Variants in RABGAP1L observed in about 807,000 individuals in gnomAD.
RABGAP1L encodes the protein rab GTPase-activating protein 1-like.
RABGAP1L carries 63 observed loss-of-function variants against 137.7 expected under a neutral mutation model. That is an observed-to-expected ratio of 0.46 (90% CI 0.37 to 0.56). The LOEUF (loss-of-function observed/expected upper bound fraction) is 0.56, where lower values mean the gene tolerates loss of function less well. RABGAP1L is among the 20% of genes least tolerant of loss of function. The pLI is 0.00. For synonymous variants in RABGAP1L, 431 were observed against 433.7 expected, an observed-to-expected ratio of 0.99 and a Z score of 0.08; for missense variants, 1,095 against 1,244.0, an observed-to-expected ratio of 0.88 and a Z score of 1.80.
chr1:174,615,132 C>G (rs1012045164), intron 13 of RABGAP1L, among the ~76,000 whole-genome samples: 1 of 152,136 alleles, frequency 6.6e-6, no homozygotes, highest in Non-Finnish European at 1.5e-5. Context: ...GAACTGCGTT[C>G]CTTTGGAGGA....
chr1:174,350,206 C>T (rs1391834419), intron 11 of RABGAP1L, among the ~76,000 whole-genome samples: 50 of 139,046 alleles, frequency 3.6e-4, no homozygotes, highest in South Asian at 7.1e-4. Flanking sequence ...CCCCACCTCC[C>T]TCCCGGACGG....
chr1:174,769,714 A>G (rs1685963688), intron 18 of RABGAP1L, among the ~76,000 whole-genome samples: 1 of 152,112 alleles, frequency 6.6e-6, no homozygotes. Context: ...TTAGCCGGGC[A>G]TGGTGGTGGG....
chr1:174,660,687 A>G (rs1415055167), intron 14 of RABGAP1L, among the ~76,000 whole-genome samples: 2 of 152,182 alleles, frequency 1.3e-5, no homozygotes, highest in Non-Finnish European at 2.9e-5. Flanking sequence ...CTCACACTTC[A>G]GAGCCCTTGC....
chr1:174,915,548 G>A (rs1427384668), intron 19 of RABGAP1L, among the ~76,000 whole-genome samples: 6 of 151,954 alleles, frequency 3.9e-5, no homozygotes, highest in Non-Finnish European at 8.8e-5. Flanking sequence ...CCTCTGCCTC[G>A]CAGGTTCAAG....
chr1:174,589,421 A>G (rs1669378718), intron 13 of RABGAP1L, among the ~76,000 whole-genome samples: 1 of 152,030 alleles, frequency 6.6e-6, no homozygotes. Flanking sequence ...TTCGTTGATC[A>G]TTTCCTTTGC....
chr1:174,278,655 C>T lies in RABGAP1L; in HGVS notation c.1199C>T (p.Thr400Ile). 1 of 1,613,242 alleles carries T rather than the reference C, an allele frequency of 6.2e-7. No individual in the cohort carries two copies. Among genetic ancestry groups the T allele is most frequent in the Non-Finnish European group, 8.5e-7 (1 of 1,179,592 alleles). ...YMTVAVDMVV[T>I]EVVEPVRFLL... Reference sequence around the variant, plus strand: ...ACTGTGGCAGTGGATATGGTAGTCACAGAGGTGGTGGAGCCTGTTCGCTTT... The same window carrying T: ...ACTGTGGCAGTGGATATGGTAGTCATAGAGGTGGTGGAGCCTGTTCGCTTT... The change falls in exon 10 of 26, where the codon ACA (threonine) becomes ATA (isoleucine). Residue 400 changes from threonine (T) to isoleucine (I), a missense_variant. Physicochemically the swap from Thr to Ile is moderately conservative, Grantham distance 89. Coordinates refer to ENST00000681986, the MANE Select transcript of RABGAP1L (RefSeq NM_001366446.1).
intron 19 of RABGAP1L, among the ~76,000 whole-genome samples, chr1:174,879,613 G>A (rs1428267891): frequency 2.0e-5 from 3 of 152,094 alleles, no homozygotes; most frequent in Non-Finnish European, 4.4e-5. Flanking sequence ...GATTCAAAAT[G>A]AACCAGTAGA....
chr1:174,494,464 A>G (rs1660565292), intron 13 of RABGAP1L, among the ~76,000 whole-genome samples: 1 of 152,170 alleles, frequency 6.6e-6, no homozygotes, highest in Non-Finnish European at 1.5e-5. Flanking sequence ...ATAATTTACA[A>G]AGTTTTCTTG....
chr1:174,528,864 C>T (rs1664148391), intron 13 of RABGAP1L, among the ~76,000 whole-genome samples: 1 of 151,768 alleles, frequency 6.6e-6, no homozygotes, highest in South Asian at 2.1e-4. Context: ...TGATGTCTCA[C>T]ATATCACAAA....
intron 13 of RABGAP1L, among the ~76,000 whole-genome samples, chr1:174,426,020 T>C (rs1264662475): frequency 1.3e-5 from 2 of 152,058 alleles, no homozygotes; most frequent in African/African-American, 2.4e-5. Context: ...TGTAATTACT[T>C]GAGTGATACA....
intron 19 of RABGAP1L, among the ~76,000 whole-genome samples, chr1:174,929,525 T>C (rs899120469): frequency 1.9e-4 from 29 of 152,046 alleles, no homozygotes; most frequent in African/African-American, 6.8e-4. Flanking sequence ...GGAGGATCAC[T>C]TGAGGCCAGA....
At chr1:174,255,169 C>A (rs1673018318) in intron 7 of RABGAP1L, among the ~76,000 whole-genome samples, 1 of 151,948 alleles carries the variant, frequency 6.6e-6, no homozygotes, top group South Asian at 2.1e-4. Context: ...ATAGTTGTCA[C>A]CTTTTTTTCA....
chr1:174,349,769 G>C (rs1682906401), intron 11 of RABGAP1L, among the ~76,000 whole-genome samples: 1 of 126,574 alleles, frequency 7.9e-6, no homozygotes, highest in Non-Finnish European at 1.8e-5. Flanking sequence ...GGGGCGGCTG[G>C]CCGGGCAGAG....
chr1:174,919,081 C>T (rs1302951807), intron 19 of RABGAP1L, among the ~76,000 whole-genome samples: 8 of 151,314 alleles, frequency 5.3e-5, no homozygotes, highest in East Asian at 1.9e-4. Flanking sequence ...TGCAATGGCA[C>T]GATCTCGGCT....
chr1:174,448,436 C>G lies in RABGAP1L; in HGVS notation c.1710+54291C>G. On this transcript the variant is annotated intron_variant, in intron 13 of 25. Coordinates refer to ENST00000681986, the MANE Select transcript of RABGAP1L (RefSeq NM_001366446.1). The surrounding 1 kb of genome is among the most constrained non-coding windows in gnomAD (Gnocchi z 4.2). Reference sequence around the variant, plus strand: ...ACTTCTCCACTACTCCACAGGTGTCCACGAGTCATTGACTTGCCAGGTTTT... The same window carrying G: ...ACTTCTCCACTACTCCACAGGTGTCGACGAGTCATTGACTTGCCAGGTTTT... The G allele has an allele frequency of 6.2e-7, 1 of 1,613,300 alleles. No homozygotes were observed. Among genetic ancestry groups the G allele is most frequent in the South Asian group, 1.1e-5 (1 of 91,042 alleles).
At chr1:174,893,805 A>T (rs1656672695) in intron 19 of RABGAP1L, among the ~76,000 whole-genome samples, 1 of 152,184 alleles carries the variant, frequency 6.6e-6, no homozygotes, top group Non-Finnish European at 1.5e-5. Flanking sequence ...TAATATTATT[A>T]ATAGCAAGTC....
At chr1:174,476,129 CTT>C (rs1658482309) in intron 13 of RABGAP1L, among the ~76,000 whole-genome samples, 1 of 152,074 alleles carries the variant, frequency 6.6e-6, no homozygotes, top group South Asian at 2.1e-4. Flanking sequence ...ATAAAAATAA[CTT>C]TTCAACAAAG....
intron 7 of RABGAP1L, among the ~76,000 whole-genome samples, chr1:174,268,053 C>T (rs1037526769): frequency 6.6e-6 from 1 of 152,170 alleles, no homozygotes; most frequent in Non-Finnish European, 1.5e-5. Context: ...TTTGCTTTAG[C>T]CCCTTTGGGG....
intron 14 of RABGAP1L, among the ~76,000 whole-genome samples, chr1:174,657,943 G>T (rs148328452): frequency 2.0e-5 from 3 of 152,276 alleles, no homozygotes; most frequent in Non-Finnish European, 2.9e-5. Flanking sequence ...GGTGAGTCTT[G>T]CAAGTGGAGT....
Sources: gnomAD v4.1 joint callset for allele counts (sites outside exome capture counted in the v4.1 genomes callset) on GRCh38, gnomAD v4.1.1 for gene constraint, Gnocchi (gnomAD v3.1) non-coding constraint, MANE v1.5 for transcripts, NCBI Gene and HGNC (gene_info 2026-07-23, HGNC 2026-07-21) for gene names.